The following USP21 variants were observed in gnomAD, a reference collection of about 807,000 sequenced individuals.
USP21 encodes the protein ubiquitin carboxyl-terminal hydrolase 21.
USP21 carries 37 observed loss-of-function variants against 70.8 expected under a neutral mutation model. The ratio of observed to expected loss-of-function variants is 0.52; its 90% CI spans 0.40 to 0.69. The LOEUF is 0.69. Ranked by LOEUF, USP21 falls within the 30% of genes least tolerant of loss-of-function variation. USP21 has a pLI of 0.00. For synonymous variants in USP21, 263 were observed against 283.1 expected (o/e 0.93, Z 0.71); for missense variants, 584 against 740.8 (o/e 0.79, Z 2.46).
Position 161,161,072 on chromosome 1 carries a change from C to G in USP21, c.432C>G (p.Leu144=). 6.2e-7 allele frequency: 1 copy of G among 1,614,232 alleles called. No homozygotes were observed. The highest frequency in any genetic ancestry group is 8.5e-7 in the Non-Finnish European group (1 of 1,180,042). ...GGGCTGCACTGAGCCGCTTGGCCCT[C>G]CGGCCTGAGCCACCCACTTTGAGAC... ...ELGAALSRLA[L]RPEPPTLRRS... is the part of the protein sequence containing the mutation. Residue 144 remains leucine (L), a synonymous_variant, in exon 3 of 14, where the codon CTC becomes CTG. Transcript: ENST00000368002. This position sits in a 1 kb window ranked among gnomAD's most constrained non-coding sequence, Gnocchi z 4.2.
Position 161,162,832 on chromosome 1 carries a change from AG to A in USP21, c.894-85del, listed in dbSNP as rs1658041999. ...CTGAGCCTTGAGATGTTCTTCATCC[AG>A]GAAGTGGGGACCAATATCTGGGCAG... is the stretch of plus-strand genomic sequence containing the variant. On this transcript the variant is annotated intron_variant, in intron 6 of 13. Transcript: ENST00000368002. This position sits in a 1 kb window ranked among gnomAD's most constrained non-coding sequence, Gnocchi z 4.1. The A allele has an allele frequency of 1.3e-6, 2 of 1,585,500 alleles. No individual in the cohort carries two copies. Among genetic ancestry groups the A allele is most frequent in the African/African-American group, 1.3e-5 (1 of 74,282 alleles).
In USP21 at chr1:161,162,981, G is replaced by A. The variant is rs1658060387; in HGVS notation, c.956G>A (p.Arg319His). The change falls in exon 7 of 14, where the codon CGC becomes CAC. Residue 319 changes from arginine (R) to histidine (H), a missense_variant. Arg to His is a conservative substitution (Grantham distance 29). Around this residue, in one of 4 missense-constraint regions of USP21, gnomAD observed 87 missense variants for 162.4 expected, o/e 0.54. Transcript: ENST00000368002. The surrounding 1 kb of genome is among the most constrained non-coding windows in gnomAD (Gnocchi z 4.1). ...GAGCGGCTACACCTTGAAATCAACC[G>A]CCGAGGCCGCCGGGCTCCACCGATA... ...LMERLHLEIN[R>H]RGRRAPPILA... The A allele has an allele frequency of 3.1e-6, 5 of 1,613,696 alleles. No homozygotes were observed. The highest frequency in any genetic ancestry group is 4.2e-6 in the Non-Finnish European group (5 of 1,179,850).
At position 161,162,907 on chromosome 1, in the gene USP21, G is replaced by C; in HGVS notation, c.894-12G>C. ...GAGGAGTCAGTTGCCCATACTCTTT[G>C]TCTGGCTGTAGCCAGCAGGATGCCC... On this transcript the variant is annotated splice_polypyrimidine_tract_variant and intron_variant, in intron 6 of 13. Coordinates refer to ENST00000368002, the MANE Select transcript of USP21 (RefSeq NM_001014443.3). This position sits in a 1 kb window ranked among gnomAD's most constrained non-coding sequence, Gnocchi z 4.1. The C allele has an allele frequency of 6.2e-7, 1 of 1,604,976 alleles. No homozygotes were observed. The highest frequency in any genetic ancestry group is 8.5e-7 in the Non-Finnish European group (1 of 1,174,864).
In USP21 at chr1:161,164,152, C is replaced by T; in HGVS notation, c.1219-12C>T. 1 of 1,613,766 alleles carries T rather than the reference C, an allele frequency of 6.2e-7. No individual in the cohort carries two copies. On this transcript the variant is annotated splice_polypyrimidine_tract_variant and intron_variant, in intron 9 of 13. Transcript: ENST00000368002. This position sits in a 1 kb window ranked among gnomAD's most constrained non-coding sequence, Gnocchi z 4.2. ...TCAGAACATGTTGACCTTTCTTCCC[C>T]TTTTCCCCCAGAAAGGATTTGCTGG...
rs1658216511 is a variant in USP21, at chr1:161,164,124, A to G, written c.1219-40A>G. ...TTGATTGAGAAGAGTTGGAAAAGGA[A>G]ATTCAGAACATGTTGACCTTTCTTC... On this transcript the variant is annotated intron_variant, in intron 9 of 13. Coordinates refer to ENST00000368002, the MANE Select transcript of USP21 (RefSeq NM_001014443.3). This position sits in a 1 kb window ranked among gnomAD's most constrained non-coding sequence, Gnocchi z 4.2. The G allele has an allele frequency of 6.2e-7, 1 of 1,606,804 alleles. No homozygotes were observed. The highest frequency in any genetic ancestry group is 8.5e-7 in the Non-Finnish European group (1 of 1,173,536).
chr1:161,163,840 A>G, intron 8 of USP21, 38 bp from the exon 9 acceptor site: 1 of 1,582,110 alleles, frequency 6.3e-7, no homozygotes, highest in Non-Finnish European at 8.7e-7. Context: ...ATAACATCCA[A>G]CAATGACCTT....
At position 161,163,019 on chromosome 1, in the gene USP21, C is replaced by T; in HGVS notation, c.994C>T (p.Pro332Ser). The T allele has an allele frequency of 6.2e-7, 1 of 1,613,860 alleles. No homozygotes were observed. The highest frequency in any genetic ancestry group is 8.5e-7 in the Non-Finnish European group (1 of 1,179,894). ...RRAPPILANG[P>S]VPSPPRRGGA... ...GGCTCCACCGATACTTGCCAATGGT[C>T]CAGTTCCCTCTCCACCCCGCCGAGG... The change falls in exon 7 of 14, where the codon CCA (proline) becomes TCA (serine). Residue 332 changes from proline to serine, a missense_variant. By Grantham distance (74) the Pro-to-Ser change is moderately conservative. This residue lies in a region of USP21 where 40 missense variants were observed against 29.3 expected (regional missense o/e 1.37). Coordinates refer to ENST00000368002, the MANE Select transcript of USP21 (RefSeq NM_001014443.3).
In USP21 at chr1:161,164,019, G is replaced by C; in HGVS notation, c.1218+38G>C. The C allele has an allele frequency of 6.2e-7, 1 of 1,607,114 alleles. No individual in the cohort carries two copies. Among genetic ancestry groups the C allele is most frequent in the Non-Finnish European group, 8.5e-7 (1 of 1,173,690 alleles). ...AGGATTCCGGGGTGGACAGGACAGG[G>C]GCTCTGTGACCCAAGCCTACCCACC... On this transcript the variant is annotated intron_variant, in intron 9 of 13. Transcript: ENST00000368002. This position sits in a 1 kb window ranked among gnomAD's most constrained non-coding sequence, Gnocchi z 4.2.
Position 161,165,617 on chromosome 1 carries a change from C to T in USP21, c.*170C>T. 1.2e-5 allele frequency: 7 copies of T among 586,256 alleles called. No individual in the cohort carries two copies. The South Asian group carries it at 1.3e-4, about 11-fold the overall frequency. The allele number at this position is 586,256 out of a possible 1,614,324, so 36.3% of individuals were successfully genotyped here. On this transcript the variant is annotated 3_prime_UTR_variant, in exon 14 of 14. Transcript: ENST00000368002. The stretch of plus-strand genomic sequence containing the variant: ...AAAAATACCCTTCCACCTGGAGGCT[C>T]CCTTGTCTCCCAGCCCCATGTACAA...
chr1:161,161,872 A>G lies in USP21; in HGVS notation c.601-166A>G, dbSNP rs1181758277. 7 of 690,302 alleles carry G rather than the reference A, an allele frequency of 1.0e-5. No homozygotes were observed. Among genetic ancestry groups the G allele is most frequent in the Non-Finnish European group, 1.8e-5 (7 of 387,626 alleles). The allele number at this position is 690,302 out of a possible 1,614,324, so 42.8% of individuals were successfully genotyped here. ...TTCAGCTGTGATGGGCTTACTGCTC[A>G]TGACCAGTGAGGTAGGGAGACTAGA... On this transcript the variant is annotated intron_variant, in intron 3 of 13. Coordinates refer to ENST00000368002, the MANE Select transcript of USP21 (RefSeq NM_001014443.3). The surrounding 1 kb of genome is among the most constrained non-coding windows in gnomAD (Gnocchi z 4.2).
In USP21 at chr1:161,160,781, C is replaced by T. The variant is rs777424873; in HGVS notation, c.141C>T (p.Pro47=). ...ERRNPASGPN[P]MLRPLPPRPG... ...GAAACCCAGCCTCTGGGCCAAACCC[C>T]ATGTTACGACCTCTGCCTCCCCGGC... The change falls in exon 3 of 14, where the codon CCC becomes CCT. Residue 47 remains proline (P), a synonymous_variant. Coordinates refer to ENST00000368002, the MANE Select transcript of USP21 (RefSeq NM_001014443.3). 1.2e-6 allele frequency: 2 copies of T among 1,614,236 alleles called. No homozygotes were observed. Among genetic ancestry groups the T allele is most frequent in the South Asian group, 1.1e-5 (1 of 91,090 alleles).
Position 161,164,802 on chromosome 1 carries a change from C to G in USP21, c.1385-33C>G, listed in dbSNP as rs1294084474. 3 of 1,606,404 alleles carry G rather than the reference C, an allele frequency of 1.9e-6. No homozygotes were observed. The highest frequency in any genetic ancestry group is 2.7e-5 in the African/African-American group (2 of 74,698). On this transcript the variant is annotated intron_variant, in intron 11 of 13. Coordinates refer to ENST00000368002, the MANE Select transcript of USP21 (RefSeq NM_001014443.3). This position sits in a 1 kb window ranked among gnomAD's most constrained non-coding sequence, Gnocchi z 4.2. ...AGAAGAAGTTCCCCTCAGAGGCCCA[C>G]TGCCTCCCAAATGCTCCTTAACCAG...
At position 161,161,522 on chromosome 1, in the gene USP21, T is replaced by C. The variant is rs1657929485; in HGVS notation, c.600+282T>C. On this transcript the variant is annotated intron_variant, in intron 3 of 13. Coordinates refer to ENST00000368002, the MANE Select transcript of USP21 (RefSeq NM_001014443.3). The surrounding 1 kb of genome is among the most constrained non-coding windows in gnomAD (Gnocchi z 4.2). ...TCCCCAGGCCCTTCCTTTCCCTTGC[T>C]TGCACCTTCTCTACTGGGACTCTGC... 2.2e-6 allele frequency: 1 copy of C among 451,730 alleles called. No homozygotes were observed. The highest frequency in any genetic ancestry group is 4.0e-6 in the Non-Finnish European group (1 of 252,684). 28.0% of individuals were successfully genotyped at this position (451,730 alleles called of 1,614,324 possible). A position where few individuals can be genotyped will look rare whatever the true frequency, so the allele number is the denominator to read the frequency against.
In USP21 at chr1:161,162,091, A is replaced by C; in HGVS notation, c.654A>C (p.Gly218=). Residue 218 remains glycine (G), a synonymous_variant, in exon 4 of 14, where the codon GGA becomes GGC. Transcript: ENST00000368002. This position sits in a 1 kb window ranked among gnomAD's most constrained non-coding sequence, Gnocchi z 4.1. ...GTCATGTTGGCCTTCGAAACCTGGG[A>C]AACACGGTGAGAGCTATTCTCCTAT... ...GSGHVGLRNL[G]NTCFLNAVLQ... 2 of 1,614,120 alleles carry C rather than the reference A, an allele frequency of 1.2e-6. No individual in the cohort carries two copies. The highest frequency in any genetic ancestry group is 2.2e-5 in the East Asian group (1 of 44,882).
At position 161,164,058 on chromosome 1, in the gene USP21, C is replaced by T. The variant is rs895795891; in HGVS notation, c.1218+77C>T. On this transcript the variant is annotated intron_variant, in intron 9 of 13. Coordinates refer to ENST00000368002, the MANE Select transcript of USP21 (RefSeq NM_001014443.3). The surrounding 1 kb of genome is among the most constrained non-coding windows in gnomAD (Gnocchi z 4.2). The stretch of plus-strand genomic sequence containing the variant: ...AGCCTACCCACCCCCAGAGTGTGGG[C>T]GGGAACCCTGTGGGTTTCTGGAGCA... 6.4e-6 allele frequency: 10 copies of T among 1,573,574 alleles called. No homozygotes were observed. Among genetic ancestry groups the T allele is most frequent in the Admixed American group, 3.4e-5 (2 of 59,548 alleles).
Position 161,165,422 on chromosome 1 carries a change from T to G in USP21, c.1673T>G (p.Met558Arg). 1.2e-6 allele frequency: 2 copies of G among 1,614,130 alleles called. No homozygotes were observed. Among genetic ancestry groups the G allele is most frequent in the Non-Finnish European group, 8.5e-7 (1 of 1,180,018 alleles). The change falls in exon 14 of 14, where the codon ATG becomes AGG. Residue 558 changes from methionine to arginine, a missense_variant. Around this residue, in one of 4 missense-constraint regions of USP21, gnomAD observed 173 missense variants for 268.2 expected, o/e 0.65. Transcript: ENST00000368002. ...GGCTACGTGCTGTTCTACCAACTGA[T>G]GCAGGAGCCACCCCGGTGCCTGTGA... ...SEGYVLFYQL[M>R]QEPPRCL
At chr1:161,163,850 T>C in intron 8 of USP21, 28 bp from the exon 9 acceptor site, 1 of 1,596,920 alleles carries the variant, frequency 6.3e-7, no homozygotes, top group East Asian at 2.2e-5. Flanking sequence ...ACAATGACCT[T>C]TTCTCCTGTC....
rs751000774 is a variant in USP21 at position 161,160,765 on chromosome 1, C to A, written c.125C>A (p.Ala42Asp). Residue 42 changes from alanine to aspartate, a missense_variant, in exon 3 of 14, where the codon GCC (alanine) becomes GAC (aspartate). By Grantham distance (126) the Ala-to-Asp change is moderately radical. Coordinates refer to ENST00000368002, the MANE Select transcript of USP21 (RefSeq NM_001014443.3). ...RARSKERRNP[A>D]SGPNPMLRPL... Reference sequence around the variant, plus strand: ...CGCAGCAAGGAGCGCAGAAACCCAGCCTCTGGGCCAAACCCCATGTTACGA... The same window carrying A: ...CGCAGCAAGGAGCGCAGAAACCCAGACTCTGGGCCAAACCCCATGTTACGA... The A allele has an allele frequency of 6.2e-6, 10 of 1,614,206 alleles. No homozygotes were observed. The highest frequency in any genetic ancestry group is 4.2e-6 in the Non-Finnish European group (5 of 1,180,048).
At chr1:161,160,549 G>T in intron 2 of USP21, 43 bp downstream of exon 2, 2 of 1,428,058 alleles carry the variant, frequency 1.4e-6, no homozygotes, top group South Asian at 1.3e-5. Context: ...TAGTGTGGCA[G>T]GGTTCAGTAC....
Sources: allele counts gnomAD v4.1 joint callset, GRCh38; gene constraint gnomAD v4.1.1; regional missense constraint gnomAD v4.1.1; non-coding constraint Gnocchi (gnomAD v3.1); transcripts MANE v1.5; gene names NCBI Gene and HGNC (gene_info 2026-07-23, HGNC 2026-07-21).